Variants in CHFR observed in about 807,000 individuals in gnomAD.
The protein encoded by CHFR is E3 ubiquitin-protein ligase CHFR.
In CHFR, 57 loss-of-function variants were observed where a neutral mutation model predicts 87.6. The observed-to-expected ratio is 0.65, with a 90% CI of 0.53 to 0.81. The LOEUF is 0.81. CHFR is among the 30% of genes least tolerant of loss of function. The probability of loss-of-function intolerance (pLI) is 0.00; values close to 1 mark genes in which losing one functional copy is unlikely to be tolerated. For missense variants in CHFR, 797 were observed against 865.8 expected (o/e 0.92, Z 1.00); for synonymous variants, 381 against 359.2 (o/e 1.06, Z -0.69).
chr12:132,860,958 G>A (rs773901786), intron 7 of CHFR, among the ~76,000 whole-genome samples: 13 of 152,170 alleles, frequency 8.5e-5, no homozygotes, highest in African/African-American at 1.4e-4. Context: ...TCACCATGTT[G>A]GCCAGGCTGG....
chr12:132,869,119 T>G (rs1593501990), intron 6 of CHFR, among the ~76,000 whole-genome samples: 1 of 6,466 alleles, frequency 1.5e-4, no homozygotes, highest in Non-Finnish European at 2.9e-4. Flanking sequence ...TGACTGCTGG[T>G]GGGGCCGAGG....
At chr12:132,846,950 G>A in intron 15 of CHFR, 93 bp downstream of exon 15, 1 of 862,974 alleles carries the variant, frequency 1.2e-6, no homozygotes, top group Non-Finnish European at 1.9e-6. Context: ...CAGGGTGGGT[G>A]AAGGTCGGAG....
At chr12:132,873,706 T>C (rs1478240702) in intron 3 of CHFR, among the ~76,000 whole-genome samples, 1 of 151,318 alleles carries the variant, frequency 6.6e-6, no homozygotes, top group Non-Finnish European at 1.5e-5. Flanking sequence ...ACTTTCTGTG[T>C]CCTCCTGCTC....
At chr12:132,858,956 G>A in intron 8 of CHFR, 112 bp downstream of exon 8, 9 of 1,071,858 alleles carry the variant, frequency 8.4e-6, no homozygotes, top group Admixed American at 2.7e-5. Context: ...AACCTCAGCA[G>A]ATGCCAGGCC....
At chr12:132,861,768 T>G in intron 6 of CHFR, 134 bp from the exon 7 acceptor site, 1 of 737,972 alleles carries the variant, frequency 1.4e-6, no homozygotes, top group Non-Finnish European at 2.2e-6. Flanking sequence ...GACAAGTGGC[T>G]TACGAGGAGT....
intron 17 of CHFR, 53 bp from the exon 18 acceptor site, chr12:132,841,649 A>G (rs1383644412): frequency 1.4e-6 from 2 of 1,421,404 alleles, no homozygotes; most frequent in African/African-American, 2.8e-5. Flanking sequence ...GAGGCAATCA[A>G]ATAAATTACA....
At chr12:132,863,448 C>T (rs56197652) in intron 6 of CHFR, among the ~76,000 whole-genome samples, 2 of 151,844 alleles carry the variant, frequency 1.3e-5, no homozygotes, top group South Asian at 2.1e-4. Context: ...GGAGTTGCAG[C>T]GAACGAAGTT....
At chr12:132,864,690 TG>T (rs1242507760) in intron 6 of CHFR, among the ~76,000 whole-genome samples, 1 of 152,198 alleles carries the variant, frequency 6.6e-6, no homozygotes, top group Admixed American at 6.5e-5. Context: ...GGTTTTGCCA[TG>T]TTGGCCAGGC....
At position 132,841,338 on chromosome 12, in the gene CHFR, C is replaced by T; in HGVS notation, c.*216G>A. On this transcript the variant is annotated 3_prime_UTR_variant, in exon 18 of 18. Coordinates refer to ENST00000450056, the MANE Select transcript of CHFR (RefSeq NM_001161346.2). ...ATGCCACCACGAGCCCTGCCCAGCG[C>T]TCACCAGGAGGGCGGGCTGCGGCCC... 2 of 554,172 alleles carry T rather than the reference C, an allele frequency of 3.6e-6. No homozygotes were observed. Among genetic ancestry groups the T allele is most frequent in the Admixed American group, 6.6e-5 (2 of 30,456 alleles). 34.3% of individuals were successfully genotyped at this position (554,172 alleles called of 1,614,324 possible).
intron 17 of CHFR, 35 bp from the exon 18 acceptor site, chr12:132,841,631 G>A (rs899375441): frequency 1.3e-6 from 2 of 1,552,754 alleles, no homozygotes; most frequent in African/African-American, 2.7e-5. Flanking sequence ...ACACAAGAGA[G>A]CATTGGAGAG....
intron 1 of CHFR, 36 bp from the exon 2 acceptor site, chr12:132,887,376 G>A (rs1403034538): frequency 1.2e-5 from 15 of 1,274,948 alleles, no homozygotes; most frequent in African/African-American, 1.6e-5. Flanking sequence ...GGAGACTCCC[G>A]ACCCCAGAGG....
At chr12:132,864,461 T>C (rs1431595419) in intron 6 of CHFR, among the ~76,000 whole-genome samples, 2 of 149,252 alleles carry the variant, frequency 1.3e-5, no homozygotes, top group African/African-American at 2.4e-5. Flanking sequence ...CACTTAGGCA[T>C]ACAGATAGAA....
intron 8 of CHFR, among the ~76,000 whole-genome samples, chr12:132,858,089 G>A (rs1011043945): frequency 2.6e-5 from 4 of 152,182 alleles, no homozygotes; most frequent in African/African-American, 7.2e-5. Context: ...ATGCGGGGTG[G>A]CTCACGTCTG....
chr12:132,848,335 C>T, intron 13 of CHFR, 180 bp from the exon 14 acceptor site: 2 of 1,197,274 alleles, frequency 1.7e-6, no homozygotes. Flanking sequence ...ATTCCACTCC[C>T]TCCTTAAAAA....
Position 132,855,349 on chromosome 12 carries a change from G to T in CHFR, c.1229+1119C>A, listed in dbSNP as rs372002721. Reference sequence around the variant, plus strand: ...AGGCAGGAGAATCGCTTGAACCCGGGAGGCGGAGGTTGCAATGCGCCAAGA... The same window carrying T: ...AGGCAGGAGAATCGCTTGAACCCGGTAGGCGGAGGTTGCAATGCGCCAAGA... On this transcript the variant is annotated intron_variant, in intron 10 of 17. Coordinates refer to ENST00000450056, the MANE Select transcript of CHFR (RefSeq NM_001161346.2). Among the ~76,000 whole-genome samples the T allele has an allele frequency of 6.6e-5, 10 of 152,226 alleles. No homozygotes were observed. In the East Asian group the frequency reaches 1.5e-3, roughly 24 times the overall value.
At chr12:132,841,873 G>A (rs937994902) in intron 17 of CHFR, among the ~76,000 whole-genome samples, 2 of 152,086 alleles carry the variant, frequency 1.3e-5, no homozygotes, top group Non-Finnish European at 2.9e-5. Context: ...TTGGGAGGCC[G>A]AGGCGGGCGG....
rs146088609 is a variant in CHFR, at chr12:132,877,634, T to A, written c.154A>T (p.Ser52Cys). The A allele has an allele frequency of 1.9e-5, 31 of 1,613,042 alleles. No homozygotes were observed. Among genetic ancestry groups the A allele is most frequent in the African/African-American group, 2.7e-5 (2 of 74,854 alleles). The change falls in exon 3 of 18, where the codon AGC (serine) becomes TGC (cysteine). Residue 52 changes from serine to cysteine, a missense_variant. Physicochemically the swap from Ser to Cys is moderately radical, Grantham distance 112. This residue lies in a region of CHFR where 597 missense variants were observed against 601.2 expected (regional missense o/e 0.99). Coordinates refer to ENST00000450056, the MANE Select transcript of CHFR (RefSeq NM_001161346.2). ...RRRGCDLSFP[S>C]NKLVSGDHCR... ...TGATCTCCAGAGACCAGTTTATTGC[T>A]GGGGAAGGAAAGGTCGCAACCTAAA...
At chr12:132,855,216 T>G (rs1483630597) in intron 10 of CHFR, among the ~76,000 whole-genome samples, 1 of 142,956 alleles carries the variant, frequency 7.0e-6, no homozygotes, top group African/African-American at 2.6e-5. Flanking sequence ...CACTCCAGCC[T>G]GGGCAACAGA....
chr12:132,870,815 G>C, intron 4 of CHFR, 32 bp from the exon 5 acceptor site: 1 of 1,441,472 alleles, frequency 6.9e-7, no homozygotes, highest in Non-Finnish European at 9.8e-7. Flanking sequence ...CAGAAAAGTG[G>C]TGGCCCCTGT....
Sources: allele counts gnomAD v4.1 joint callset (sites outside exome capture counted in the v4.1 genomes callset), GRCh38; gene constraint gnomAD v4.1.1; regional missense constraint gnomAD v4.1.1; transcripts MANE v1.5; gene names NCBI Gene and HGNC (gene_info 2026-07-23, HGNC 2026-07-21).